MCPH1: variants seen among roughly 807,000 people sequenced by gnomAD.
The protein encoded by MCPH1 is microcephalin 1.
In MCPH1, 104 loss-of-function variants were observed where a neutral mutation model predicts 84.5. The observed-to-expected ratio is 1.23, with a 90% CI of 1.05 to 1.45. The LOEUF (loss-of-function observed/expected upper bound fraction) is 1.45. Ranked by LOEUF, MCPH1 falls within the 40% of genes most tolerant of loss-of-function variation. The pLI, the probability that MCPH1 is intolerant of heterozygous loss-of-function variation, is 0.00. For missense variants in MCPH1, 1,498 were observed against 1,005.7 expected (o/e 1.49, Z -6.62); for synonymous variants, 514 against 366.8 (o/e 1.40, Z -4.58).
intron 11 of MCPH1, among the ~76,000 whole-genome samples, chr8:6,495,338 G>C (rs2129561638): frequency 6.6e-6 from 1 of 152,282 alleles, no homozygotes; most frequent in South Asian, 2.1e-4. Context: ...CCTGCCCCTT[G>C]TCATAAATCT....
chr8:6,421,761 A>C (rs1021821617), intron 3 of MCPH1, among the ~76,000 whole-genome samples: 2 of 152,078 alleles, frequency 1.3e-5, no homozygotes, highest in African/African-American at 2.4e-5. Context: ...CCTTTACAGA[A>C]GTTTGCTGAC....
rs141451892 is a variant in MCPH1 at position 6,430,033 on chromosome 8, G to A, written c.234-1466G>A. On this transcript the variant is annotated intron_variant, in intron 3 of 13. Coordinates refer to ENST00000344683, the MANE Select transcript of MCPH1 (RefSeq NM_024596.5). ...TTTTCCCCACAATGTCACCCTGTTTGCTGCACTGTGCTTGAGTCTATGCTC... is the reference window on the plus strand; with the variant it reads ...TTTTCCCCACAATGTCACCCTGTTTACTGCACTGTGCTTGAGTCTATGCTC... 4.2e-3 allele frequency among the ~76,000 whole-genome samples: 639 copies of A among 152,304 alleles called. 6 individuals carry two copies. Among genetic ancestry groups the A allele is most frequent in the Middle Eastern group, 0.014 (4 of 294 alleles).
intron 13 of MCPH1, chr8:6,626,037 A>T (rs1440005919): frequency 2.0e-6 from 2 of 985,270 alleles, no homozygotes; most frequent in Non-Finnish European, 2.4e-6. Context: ...TCCGAGCACC[A>T]CAGTCCACCC....
intron 13 of MCPH1, among the ~76,000 whole-genome samples, chr8:6,631,879 T>A (rs1025313261): frequency 6.6e-6 from 1 of 152,216 alleles, no homozygotes; most frequent in Non-Finnish European, 1.5e-5. Flanking sequence ...AAAGAATAAT[T>A]GTACATCCAC....
intron 9 of MCPH1, among the ~76,000 whole-genome samples, chr8:6,471,363 T>C (rs1807691754): frequency 1.3e-5 from 2 of 152,226 alleles, no homozygotes; most frequent in African/African-American, 4.8e-5. Context: ...TGGATTGTTT[T>C]TTAATCTATG....
At chr8:6,635,077 A>G (rs1797445248) in intron 13 of MCPH1, 2 of 152,184 alleles carry the variant, frequency 1.3e-5, no homozygotes, top group Admixed American at 1.3e-4. Context: ...GGTGGTTTAG[A>G]AGAATTCAGC....
rs185046339 is a variant in MCPH1 at position 6,515,573 on chromosome 8, A to T, written c.2214+15644A>T. On this transcript the variant is annotated intron_variant, in intron 12 of 13. Coordinates refer to ENST00000344683, the MANE Select transcript of MCPH1 (RefSeq NM_024596.5). Reference sequence around the variant, plus strand: ...ATTCTTTCTTAAGCTAAGCGCATGCATGCTCAATTTCAACTCAGCTGGAGT... The same window carrying T: ...ATTCTTTCTTAAGCTAAGCGCATGCTTGCTCAATTTCAACTCAGCTGGAGT... 1.6e-4 allele frequency among the ~76,000 whole-genome samples: 24 copies of T among 152,362 alleles called. No homozygotes were observed. The East Asian group carries it at 4.4e-3, about 28-fold the overall frequency.
At chr8:6,525,161 C>A (rs1200066605) in intron 12 of MCPH1, among the ~76,000 whole-genome samples, 1 of 152,222 alleles carries the variant, frequency 6.6e-6, no homozygotes, top group Non-Finnish European at 1.5e-5. Context: ...CTACCCATTA[C>A]ATATCTCGCC....
chr8:6,440,445 C>T (rs1803339792), intron 6 of MCPH1, among the ~76,000 whole-genome samples: 2 of 152,182 alleles, frequency 1.3e-5, no homozygotes, highest in Admixed American at 6.5e-5. Context: ...GCAGGCAGGA[C>T]ATGCACTCCT....
At chr8:6,519,490 G>C (rs190212286) in intron 12 of MCPH1, among the ~76,000 whole-genome samples, 22 of 152,298 alleles carry the variant, frequency 1.4e-4, no homozygotes, top group African/African-American at 4.8e-4. Flanking sequence ...ACACCTCTAT[G>C]GCTGATGCAC....
intron 3 of MCPH1, among the ~76,000 whole-genome samples, chr8:6,415,849 CAAAA>C (rs1341267318): frequency 6.6e-6 from 1 of 151,934 alleles, no homozygotes; most frequent in Non-Finnish European, 1.5e-5. Context: ...TATTCAAAAA[CAAAA>C]AAGGCAGCTG....
chr8:6,517,993 C>A (rs887324490), intron 12 of MCPH1, among the ~76,000 whole-genome samples: 4 of 152,120 alleles, frequency 2.6e-5, no homozygotes, highest in African/African-American at 9.7e-5. Context: ...AATATAAATC[C>A]TAATGTTTCC....
At position 6,438,728 on chromosome 8, in the gene MCPH1, C is replaced by T. The variant is rs1024991164; in HGVS notation, c.437-225C>T. Among the ~76,000 whole-genome samples the T allele has an allele frequency of 1.4e-4, 21 of 152,266 alleles. 2 individuals are homozygous for T. Among genetic ancestry groups the T allele is most frequent in the African/African-American group, 4.8e-4 (20 of 41,544 alleles). On this transcript the variant is annotated intron_variant, in intron 5 of 13. Coordinates refer to ENST00000344683, the MANE Select transcript of MCPH1 (RefSeq NM_024596.5). ...ACTAATGCATATATTGTTCTTAGCA[C>T]AGTGCTTGGTGAGGGCAGTTGCTCA...
At chr8:6,460,996 C>G (rs1413205168) in intron 9 of MCPH1, among the ~76,000 whole-genome samples, 1 of 152,138 alleles carries the variant, frequency 6.6e-6, no homozygotes, top group Admixed American at 6.5e-5. Flanking sequence ...CTTAACTTTT[C>G]TAAATAGAGT....
intron 3 of MCPH1, among the ~76,000 whole-genome samples, chr8:6,427,281 C>T (rs1205651152): frequency 1.3e-5 from 2 of 152,190 alleles, no homozygotes; most frequent in Non-Finnish European, 2.9e-5. Flanking sequence ...AGGCCTAGGA[C>T]ATTACTACTA....
chr8:6,532,288 C>G (rs370868060), intron 12 of MCPH1: 13 of 1,612,576 alleles, frequency 8.1e-6, no homozygotes, highest in Non-Finnish European at 1.1e-5. Context: ...GAGTGCTAGT[C>G]TCTAGCTGCA....
intron 11 of MCPH1, among the ~76,000 whole-genome samples, chr8:6,485,884 T>A (rs1191026668): frequency 1.3e-5 from 2 of 152,186 alleles, no homozygotes; most frequent in East Asian, 1.9e-4. Flanking sequence ...TGACTCTCGC[T>A]GGCACAACAG....
intron 12 of MCPH1, among the ~76,000 whole-genome samples, chr8:6,583,813 C>CT (rs200119646): frequency 0.16 from 18,408 of 111,946 alleles, 1,431 homozygotes; most frequent in East Asian, 0.4. Flanking sequence ...GTCTCGGAGT[C>CT]TTTTTTTTTT....
At chr8:6,590,629 C>A (rs1182034436) in intron 12 of MCPH1, among the ~76,000 whole-genome samples, 1 of 152,166 alleles carries the variant, frequency 6.6e-6, no homozygotes, top group Admixed American at 6.5e-5. Context: ...GACATTGTCA[C>A]AAGCAATAGC....
Sources: gnomAD v4.1 joint callset for allele counts (sites outside exome capture counted in the v4.1 genomes callset) on GRCh38, gnomAD v4.1.1 for gene constraint, MANE v1.5 for transcripts, NCBI Gene and HGNC (gene_info 2026-07-23, HGNC 2026-07-21) for gene names.